CSTPP1: variants seen among roughly 807,000 people sequenced by gnomAD.
The protein encoded by CSTPP1 is UPF0705 protein C11orf49.
the CSTPP1 span, among the ~76,000 whole-genome samples, chr11:47,157,391 A>G: frequency 6.6e-6 from 1 of 152,170 alleles, no homozygotes; most frequent in African/African-American, 2.4e-5. Flanking sequence ...AAAGGCTCTC[A>G]ATTAGCTCAC....
chr11:46,996,951 C>T, the CSTPP1 span, among the ~76,000 whole-genome samples: 49,627 of 152,026 alleles, frequency 0.33, 9,585 homozygotes, highest in Non-Finnish European at 0.42. Context: ...CTTCCCTTTG[C>T]GGGTAACCCG....
the CSTPP1 span, chr11:47,157,964 A>G: frequency 6.4e-7 from 1 of 1,551,870 alleles, no homozygotes; most frequent in Non-Finnish European, 8.9e-7. Flanking sequence ...CCTGCCGCAC[A>G]ACACAGGGAG....
the CSTPP1 span, among the ~76,000 whole-genome samples, chr11:47,039,041 G>A: frequency 1.6e-5 from 2 of 123,082 alleles, no homozygotes; most frequent in African/African-American, 5.1e-5. Context: ...GGGCAGAGAC[G>A]CTCCTCACTT....
the CSTPP1 span, among the ~76,000 whole-genome samples, chr11:47,036,236 T>TA: frequency 3.6e-5 from 2 of 55,468 alleles, no homozygotes; most frequent in Non-Finnish European, 7.6e-5. Flanking sequence ...ATATAATATA[T>TA]TATATTTATA....
At chr11:46,984,902 C>T in the CSTPP1 span, among the ~76,000 whole-genome samples, 1 of 152,118 alleles carries the variant, frequency 6.6e-6, no homozygotes, top group African/African-American at 2.4e-5. Flanking sequence ...TAATGTTTCC[C>T]TGGCCATTTT....
the CSTPP1 span, among the ~76,000 whole-genome samples, chr11:47,139,007 A>AAC: frequency 6.6e-6 from 1 of 150,554 alleles, no homozygotes; most frequent in African/African-American, 2.4e-5. Context: ...AAAAAAAAAA[A>AAC]AAAAACCTGA....
chr11:47,044,094 C>T, the CSTPP1 span, among the ~76,000 whole-genome samples: 1 of 152,062 alleles, frequency 6.6e-6, no homozygotes, highest in African/African-American at 2.4e-5. Flanking sequence ...TCAACCAATT[C>T]TCCTGCCTCA....
chr11:47,102,807 A>G, the CSTPP1 span, among the ~76,000 whole-genome samples: 2 of 152,242 alleles, frequency 1.3e-5, no homozygotes, highest in African/African-American at 2.4e-5. Flanking sequence ...AATGAAATGT[A>G]TACCCTAAGG....
the CSTPP1 span, among the ~76,000 whole-genome samples, chr11:47,039,126 C>G: frequency 7.9e-6 from 1 of 127,128 alleles, no homozygotes; most frequent in Non-Finnish European, 1.9e-5. Context: ...GCTGCAATCT[C>G]GGCACTTTGG....
At chr11:47,153,170 G>T in the CSTPP1 span, among the ~76,000 whole-genome samples, 1 of 152,194 alleles carries the variant, frequency 6.6e-6, no homozygotes, top group African/African-American at 2.4e-5. Context: ...TGGGGAGGGA[G>T]CTGTTCTGCT....
chr11:47,122,091 A>AAATATATATATAT, the CSTPP1 span, among the ~76,000 whole-genome samples: 10 of 31,836 alleles, frequency 3.1e-4, no homozygotes, highest in Non-Finnish European at 4.5e-4. Flanking sequence ...AAAAAAAAAA[A>AAATATATATATAT]ATATATATAT....
the CSTPP1 span, among the ~76,000 whole-genome samples, chr11:46,949,152 G>C: frequency 1.3e-5 from 2 of 151,776 alleles, no homozygotes; most frequent in African/African-American, 4.8e-5. Context: ...TATTCTCCTT[G>C]ATCAAATTTC....
At chr11:47,164,296 A>C in the CSTPP1 span, 7 of 1,568,748 alleles carry the variant, frequency 4.5e-6, no homozygotes, top group Admixed American at 7.7e-5. Context: ...TCCAGAGGAC[A>C]CTGCTTCACT....
chr11:46,981,925 T>G, the CSTPP1 span, among the ~76,000 whole-genome samples: 1 of 152,080 alleles, frequency 6.6e-6, no homozygotes, highest in Non-Finnish European at 1.5e-5. Context: ...CACTATATCC[T>G]TGGACCAGGA....
the CSTPP1 span, among the ~76,000 whole-genome samples, chr11:46,965,306 C>A: frequency 6.8e-6 from 1 of 147,712 alleles, no homozygotes; most frequent in Non-Finnish European, 1.5e-5. Context: ...GGTAACTCTA[C>A]CTCCTCCTCC....
chr11:47,115,845 C>A, the CSTPP1 span, among the ~76,000 whole-genome samples: 59 of 150,536 alleles, frequency 3.9e-4, 1 homozygote, highest in African/African-American at 1.4e-3. Flanking sequence ...TTAGTTATTT[C>A]TTGCCTTCTG....
the CSTPP1 span, among the ~76,000 whole-genome samples, chr11:47,110,991 G>T: frequency 5.1e-3 from 762 of 150,712 alleles, 6 homozygotes; most frequent in African/African-American, 0.018. Context: ...CCGGGTTCAC[G>T]CCATTCTCCT....
At chr11:47,161,039 G>A in the CSTPP1 span, 1 of 1,549,038 alleles carries the variant, frequency 6.5e-7, no homozygotes, top group Non-Finnish European at 8.9e-7. Context: ...AGCAGAACAG[G>A]CAGCCGTGAA....
At chr11:47,072,715 A>T in the CSTPP1 span, among the ~76,000 whole-genome samples, 1 of 133,900 alleles carries the variant, frequency 7.5e-6, no homozygotes, top group African/African-American at 2.6e-5. Flanking sequence ...ATAAAAAATG[A>T]ACTTATAATT....
Sources: allele counts gnomAD v4.1 joint callset (sites outside exome capture counted in the v4.1 genomes callset), GRCh38; gene constraint gnomAD v4.1.1; transcripts MANE v1.5; gene names NCBI Gene and HGNC (gene_info 2026-07-23, HGNC 2026-07-21).